Variants in EIF2B3 observed in about 807,000 individuals in gnomAD.
EIF2B3 encodes translation initiation factor eIF2B subunit gamma.
EIF2B3 carries 20 observed loss-of-function variants against 54.1 expected under a neutral mutation model. That is an observed-to-expected ratio of 0.37 (90% CI 0.26 to 0.54). EIF2B3 has a LOEUF of 0.54. Among genes scored for constraint, EIF2B3 ranks in the 20% least tolerant of loss-of-function variants. EIF2B3 has a pLI of 0.86. For synonymous variants in EIF2B3, 153 were observed against 188.1 expected, an observed-to-expected ratio of 0.81 and a Z score of 1.52; for missense variants, 448 against 547.8, an observed-to-expected ratio of 0.82 and a Z score of 1.82.
chr1:44,972,680 T>C (rs551667302), intron 3 of EIF2B3: 1 of 149,948 alleles, frequency 6.7e-6, no homozygotes, highest in East Asian at 2.0e-4. Flanking sequence ...ATTTATATAT[T>C]TTTTTGAGAC....
chr1:44,970,187 G>A (rs191157680), intron 3 of EIF2B3: 1 of 152,102 alleles, frequency 6.6e-6, no homozygotes, highest in African/African-American at 2.4e-5. Context: ...AGCAAATATG[G>A]TATCTAACTT....
chr1:44,858,615 C>T (rs1654511630), intron 10 of EIF2B3, among the ~76,000 whole-genome samples: 1 of 151,676 alleles, frequency 6.6e-6, no homozygotes, highest in African/African-American at 2.4e-5. Flanking sequence ...GACTACAGAG[C>T]CACTACACCT....
intron 3 of EIF2B3, among the ~76,000 whole-genome samples, chr1:44,946,950 G>A (rs1401409710): frequency 6.6e-6 from 1 of 152,136 alleles, no homozygotes; most frequent in Non-Finnish European, 1.5e-5. Context: ...GAATAAACAT[G>A]GACTGTTTGG....
chr1:44,869,188 C>T lies in EIF2B3; in HGVS notation c.1202+5490G>A, dbSNP rs550421330. 9.2e-5 allele frequency among the ~76,000 whole-genome samples: 14 copies of T among 152,142 alleles called. No individual in the cohort carries two copies. The East Asian group carries it at 2.5e-3, about 27-fold the overall frequency. On this transcript the variant is annotated intron_variant, in intron 10 of 11. Transcript: ENST00000360403. Reference sequence around the variant, plus strand: ...AAATAGCAACTAACTATCCTAAATGCTTTATATGGCCGGGCATGGTGGCTC... The same window carrying T: ...AAATAGCAACTAACTATCCTAAATGTTTTATATGGCCGGGCATGGTGGCTC...
intron 1 of EIF2B3, among the ~76,000 whole-genome samples, chr1:44,984,829 T>C (rs1644554537): frequency 9.6e-6 from 1 of 103,964 alleles, no homozygotes; most frequent in Non-Finnish European, 1.9e-5. Context: ...AGACGGAGTC[T>C]CGCTCTGTCG....
intron 3 of EIF2B3, among the ~76,000 whole-genome samples, chr1:44,963,389 C>A (rs1479053276): frequency 6.6e-6 from 1 of 151,792 alleles, no homozygotes; most frequent in African/African-American, 2.4e-5. Context: ...CCCACCTCAG[C>A]CTCTTGAGTA....
intron 3 of EIF2B3, among the ~76,000 whole-genome samples, chr1:44,951,807 A>G (rs1644164174): frequency 8.5e-6 from 1 of 117,184 alleles, no homozygotes; most frequent in Non-Finnish European, 1.7e-5. Flanking sequence ...TTTTTTTTTG[A>G]GACGGGGTCT....
chr1:44,976,781 AAAG>A (rs1644457635), intron 3 of EIF2B3, among the ~76,000 whole-genome samples: 4 of 152,234 alleles, frequency 2.6e-5, no homozygotes, highest in Admixed American at 2.6e-4. Context: ...ATGTTGAACA[AAAG>A]AAGCCAGAAC....
chr1:44,960,493 G>C (rs1237012731), intron 3 of EIF2B3, among the ~76,000 whole-genome samples: 1 of 152,030 alleles, frequency 6.6e-6, no homozygotes, highest in Non-Finnish European at 1.5e-5. Context: ...CAAAAAATTA[G>C]CCAGGCGAGG....
chr1:44,917,122 CT>C (rs1643638962), intron 5 of EIF2B3, among the ~76,000 whole-genome samples: 1 of 152,120 alleles, frequency 6.6e-6, no homozygotes, highest in Admixed American at 6.6e-5. Flanking sequence ...TACTTGAATT[CT>C]CTCTTTATCC....
intron 6 of EIF2B3, among the ~76,000 whole-genome samples, chr1:44,884,571 T>C (rs1371200878): frequency 3.9e-5 from 6 of 152,234 alleles, no homozygotes. Flanking sequence ...CAATGTGATT[T>C]TTCTCCTGAT....
In EIF2B3 at chr1:44,874,830, TA is replaced by T. The variant is rs1655070439; in HGVS notation, c.1054-5del. 6.8e-6 allele frequency: 11 copies of T among 1,614,068 alleles called. No homozygotes were observed. The highest frequency in any genetic ancestry group is 4.0e-5 in the African/African-American group (3 of 75,008). On this transcript the variant is annotated splice_region_variant and splice_polypyrimidine_tract_variant and intron_variant, in intron 9 of 11. Coordinates refer to ENST00000360403, the MANE Select transcript of EIF2B3 (RefSeq NM_020365.5). ...CAATGAGGCTGTCAACTCCAACCTG[TA>T]AAAGGCAAAATATAAAACTCTGTCC...
chr1:44,942,427 T>A lies in EIF2B3; in HGVS notation c.295-762A>T, dbSNP rs1293662447. ...TATATATATATATATATTTTTTTTT[T>A]TTTTTTTTTTTTTTTTTCCAGACAG... On this transcript the variant is annotated intron_variant, in intron 3 of 11. Coordinates refer to ENST00000360403, the MANE Select transcript of EIF2B3 (RefSeq NM_020365.5). 5.1e-3 allele frequency among the ~76,000 whole-genome samples: 278 copies of A among 54,702 alleles called. 37 individuals are homozygous for A. The highest frequency in any genetic ancestry group is 0.016 in the African/African-American group (186 of 11,376). 35.9% of individuals were successfully genotyped at this position (54,702 alleles called of 152,430 possible). A position where few individuals can be genotyped will look rare whatever the true frequency, so the allele number is the denominator to read the frequency against.
chr1:44,889,838 A>C (rs1655736525), intron 6 of EIF2B3, among the ~76,000 whole-genome samples: 1 of 152,132 alleles, frequency 6.6e-6, no homozygotes, highest in African/African-American at 2.4e-5. Flanking sequence ...CAGTCAGCTT[A>C]ATTAAAAGTG....
At chr1:44,895,115 G>A (rs964974268) in intron 6 of EIF2B3, among the ~76,000 whole-genome samples, 17 of 152,112 alleles carry the variant, frequency 1.1e-4, no homozygotes, top group Admixed American at 2.0e-4. Context: ...AGGTAGATGC[G>A]GGGAGGAAAG....
At chr1:44,858,579 C>A (rs1056523921) in intron 10 of EIF2B3, among the ~76,000 whole-genome samples, 1 of 152,100 alleles carries the variant, frequency 6.6e-6, no homozygotes, top group Non-Finnish European at 1.5e-5. Context: ...AAGCAATTCT[C>A]CTGCCTCAGC....
chr1:44,869,031 T>C (rs1654873929), intron 10 of EIF2B3, among the ~76,000 whole-genome samples: 1 of 152,170 alleles, frequency 6.6e-6, no homozygotes, highest in African/African-American at 2.4e-5. Flanking sequence ...AAGAGGGAGC[T>C]TTCAAAAGGT....
chr1:44,952,049 G>A lies in EIF2B3; in HGVS notation c.295-10384C>T, dbSNP rs1448287524. Among the ~76,000 whole-genome samples, 4 of 114,534 alleles carry A rather than the reference G, an allele frequency of 3.5e-5. No homozygotes were observed. The East Asian group carries it at 1.0e-3, about 30-fold the overall frequency. The allele number at this position is 114,534 out of a possible 152,430, so 75.1% of individuals were successfully genotyped here. The stretch of plus-strand genomic sequence containing the variant: ...GGGAACTCGGCTCACTGCAAGCTCC[G>A]CCTCCTGGGTTCACGCCATTCTCCT... On this transcript the variant is annotated intron_variant, in intron 3 of 11. Coordinates refer to ENST00000360403, the MANE Select transcript of EIF2B3 (RefSeq NM_020365.5).
At chr1:44,851,206 A>G (rs942709267) in intron 11 of EIF2B3, among the ~76,000 whole-genome samples, 6 of 151,982 alleles carry the variant, frequency 3.9e-5, no homozygotes, top group Non-Finnish European at 7.4e-5. Flanking sequence ...CTGGGATTAC[A>G]GGCGCCCGCC....
Sources: gnomAD v4.1 joint callset for allele counts (sites outside exome capture counted in the v4.1 genomes callset) on GRCh38, gnomAD v4.1.1 for gene constraint, MANE v1.5 for transcripts, NCBI Gene and HGNC (gene_info 2026-07-23, HGNC 2026-07-21) for gene names.